Variants in RBFOX1 observed in about 807,000 individuals in gnomAD.
RBFOX1 encodes RNA binding protein fox-1 homolog 1.
In RBFOX1, 8 loss-of-function variants were observed where a neutral mutation model predicts 57.7. The observed-to-expected ratio is 0.14, with a 90% CI of 0.08 to 0.25. The LOEUF (loss-of-function observed/expected upper bound fraction) is 0.25, where lower values mean the gene tolerates loss of function less well. RBFOX1 is among the 10% of genes least tolerant of loss of function. The probability of loss-of-function intolerance (pLI) is 1.00; values close to 1 mark genes in which losing one functional copy is unlikely to be tolerated. For synonymous variants in RBFOX1, 326 were observed against 222.4 expected, an observed-to-expected ratio of 1.47 and a Z score of -4.15; for missense variants, 611 against 548.5, an observed-to-expected ratio of 1.11 and a Z score of -1.14.
chr16:6,760,798 A>T (rs1389524844), intron 3 of RBFOX1, among the ~76,000 whole-genome samples: 5 of 152,174 alleles, frequency 3.3e-5, no homozygotes, highest in Non-Finnish European at 7.3e-5. Context: ...ACAGAGTAGG[A>T]TCAGAGATTC....
chr16:7,312,669 C>A (rs755679097), intron 4 of RBFOX1, among the ~76,000 whole-genome samples: 1 of 152,070 alleles, frequency 6.6e-6, no homozygotes, highest in African/African-American at 2.4e-5. Context: ...AATTAATGCT[C>A]AGTGTCAGGA....
At chr16:7,159,163 G>A (rs1404769984) in intron 4 of RBFOX1, among the ~76,000 whole-genome samples, 1 of 152,146 alleles carries the variant, frequency 6.6e-6, no homozygotes, top group African/African-American at 2.4e-5. Context: ...TACTGCCCTG[G>A]AGATTGTTTC....
chr16:6,751,252 T>C (rs912941338), intron 3 of RBFOX1, among the ~76,000 whole-genome samples: 1 of 152,148 alleles, frequency 6.6e-6, no homozygotes, highest in Non-Finnish European at 1.5e-5. Context: ...TTGTTTTTAT[T>C]GACTCTAGAA....
chr16:5,449,932 C>T (rs986000119), intron 1 of RBFOX1, among the ~76,000 whole-genome samples: 6 of 152,158 alleles, frequency 3.9e-5, no homozygotes, highest in Non-Finnish European at 7.3e-5. Flanking sequence ...TACATATCCC[C>T]TTCTAATTTA....
intron 3 of RBFOX1, among the ~76,000 whole-genome samples, chr16:6,846,899 C>A (rs992821216): frequency 2.0e-5 from 3 of 149,892 alleles, no homozygotes; most frequent in African/African-American, 7.6e-5. Context: ...GGAAAGACTG[C>A]CTCTAAATTA....
intron 9 of RBFOX1, among the ~76,000 whole-genome samples, chr16:7,600,062 A>C (rs1032906902): frequency 3.3e-5 from 5 of 152,180 alleles, no homozygotes; most frequent in African/African-American, 1.2e-4. Flanking sequence ...ATAACAAAAA[A>C]ATTATTAAAT....
At chr16:6,708,878 G>C (rs897289845) in intron 3 of RBFOX1, among the ~76,000 whole-genome samples, 1 of 152,072 alleles carries the variant, frequency 6.6e-6, no homozygotes, top group African/African-American at 2.4e-5. Flanking sequence ...AAGTTTGCTT[G>C]GTTTTCCTCT....
intron 3 of RBFOX1, among the ~76,000 whole-genome samples, chr16:5,806,033 T>C (rs536607456): frequency 7.0e-4 from 107 of 152,152 alleles, no homozygotes; most frequent in African/African-American, 2.5e-3. Context: ...CACATTCCCA[T>C]TGGGAGTGAG....
intron 4 of RBFOX1, among the ~76,000 whole-genome samples, chr16:7,160,646 G>A (rs774708664): frequency 3.9e-5 from 6 of 152,116 alleles, no homozygotes; most frequent in Non-Finnish European, 8.8e-5. Context: ...ACACTGTCCA[G>A]TTATGTCTTT....
At chr16:5,889,821 G>T (rs796108797) in intron 4 of RBFOX1, among the ~76,000 whole-genome samples, 1 of 152,194 alleles carries the variant, frequency 6.6e-6, no homozygotes, top group African/African-American at 2.4e-5. Flanking sequence ...AAAAGCAGAC[G>T]CAACAGCCTG....
At chr16:6,856,458 A>C (rs2057920527) in intron 3 of RBFOX1, among the ~76,000 whole-genome samples, 1 of 152,152 alleles carries the variant, frequency 6.6e-6, no homozygotes, top group Non-Finnish European at 1.5e-5. Context: ...CACCTGAGCC[A>C]CTGACCTTTA....
At chr16:5,619,171 C>T (rs1169477527) in intron 3 of RBFOX1, among the ~76,000 whole-genome samples, 1 of 152,178 alleles carries the variant, frequency 6.6e-6, no homozygotes, top group South Asian at 2.1e-4. Context: ...GGCCTCAGCT[C>T]TAAGGCTATG....
At chr16:7,563,008 G>A (rs1567842413) in intron 5 of RBFOX1, among the ~76,000 whole-genome samples, 1 of 152,206 alleles carries the variant, frequency 6.6e-6, no homozygotes, top group Middle Eastern at 3.4e-3. Flanking sequence ...GCAATGCCAG[G>A]GCTCTAAGCC....
chr16:7,496,858 A>C (rs535521628), intron 4 of RBFOX1, among the ~76,000 whole-genome samples: 3 of 152,120 alleles, frequency 2.0e-5, no homozygotes, highest in Non-Finnish European at 4.4e-5. Context: ...AAAATTAATT[A>C]TTTTGCACTA....
chr16:7,006,355 A>G (rs753284618), intron 3 of RBFOX1, among the ~76,000 whole-genome samples: 1 of 152,056 alleles, frequency 6.6e-6, no homozygotes, highest in Admixed American at 6.6e-5. Context: ...GGGTTTTATC[A>G]TGTTGGCCAG....
chr16:6,470,846 T>G (rs1404878618), intron 2 of RBFOX1, among the ~76,000 whole-genome samples: 1 of 152,170 alleles, frequency 6.6e-6, no homozygotes, highest in Non-Finnish European at 1.5e-5. Context: ...TTTCAGTGAG[T>G]CTTGTCAATT....
At chr16:7,612,098 G>T (rs2141515185) in intron 10 of RBFOX1, among the ~76,000 whole-genome samples, 1 of 152,098 alleles carries the variant, frequency 6.6e-6, no homozygotes. Flanking sequence ...GAGGCAGGTG[G>T]ATCACGAGGT....
intron 3 of RBFOX1, among the ~76,000 whole-genome samples, chr16:5,619,851 T>C (rs900805789): frequency 6.6e-6 from 1 of 152,142 alleles, no homozygotes; most frequent in Non-Finnish European, 1.5e-5. Flanking sequence ...CCTGGGGACA[T>C]GGGGGCTCAC....
intron 4 of RBFOX1, among the ~76,000 whole-genome samples, chr16:7,145,714 T>A (rs1019970055): frequency 1.3e-5 from 2 of 152,210 alleles, no homozygotes; most frequent in Non-Finnish European, 2.9e-5. Flanking sequence ...TTAAAAAATG[T>A]ATCTTTAAGC....
Sources: allele counts gnomAD v4.1 joint callset (sites outside exome capture counted in the v4.1 genomes callset), GRCh38; gene constraint gnomAD v4.1.1; transcripts MANE v1.5; gene names NCBI Gene and HGNC (gene_info 2026-07-23, HGNC 2026-07-21).